The following CIAPIN1 variants were observed in gnomAD, a reference collection of about 807,000 sequenced individuals.
CIAPIN1 encodes cytokine induced apoptosis inhibitor 1.
In CIAPIN1, 18 loss-of-function variants were observed where a neutral mutation model predicts 34.3. The ratio of observed to expected loss-of-function variants is 0.52; its 90% CI spans 0.36 to 0.78. The LOEUF (loss-of-function observed/expected upper bound fraction) is 0.78. CIAPIN1 is among the 30% of genes least tolerant of loss of function. The pLI is 0.00. For missense variants in CIAPIN1, 310 were observed against 372.5 expected (o/e 0.83, Z 1.38); for synonymous variants, 131 against 140.4 (o/e 0.93, Z 0.47).
chr16:57,439,403 C>G, intron 2 of CIAPIN1, 69 bp from the exon 3 acceptor site: 1 of 1,554,480 alleles, frequency 6.4e-7, no homozygotes, highest in Non-Finnish European at 8.9e-7. Context: ...CTTCCAACCC[C>G]CAACAAAAGC....
intron 1 of CIAPIN1, among the ~76,000 whole-genome samples, chr16:57,446,377 G>T (rs894012505): frequency 6.6e-6 from 1 of 152,126 alleles, no homozygotes; most frequent in Non-Finnish European, 1.5e-5. Context: ...TGGCTTAGGA[G>T]GTCTTCCCCG....
intron 2 of CIAPIN1, 146 bp from the exon 3 acceptor site, chr16:57,439,480 G>A (rs1903279351): frequency 1.3e-6 from 1 of 757,038 alleles, no homozygotes; most frequent in South Asian, 1.9e-5. Flanking sequence ...TGAATAGTAA[G>A]TGTTTTAAAA....
chr16:57,438,777 G>A (rs140219244), intron 3 of CIAPIN1, among the ~76,000 whole-genome samples: 30 of 152,098 alleles, frequency 2.0e-4, no homozygotes, highest in African/African-American at 7.2e-4. Flanking sequence ...TTGTTATTTC[G>A]AGCATATGAA....
chr16:57,435,834 C>T (rs1903187452), intron 4 of CIAPIN1, among the ~76,000 whole-genome samples: 1 of 151,978 alleles, frequency 6.6e-6, no homozygotes, highest in Non-Finnish European at 1.5e-5. Context: ...ATTTAAGGCC[C>T]TACATTATGT....
chr16:57,429,306 A>G, intron 8 of CIAPIN1, 26 bp from the exon 9 acceptor site: 11 of 1,502,338 alleles, frequency 7.3e-6, no homozygotes, highest in Non-Finnish European at 1.0e-5. Flanking sequence ...GGGGAAGCCA[A>G]GGGTCAGCTT....
At chr16:57,433,397 T>C (rs1382316376) in intron 5 of CIAPIN1, among the ~76,000 whole-genome samples, 2 of 152,224 alleles carry the variant, frequency 1.3e-5, no homozygotes, top group Non-Finnish European at 2.9e-5. Flanking sequence ...TTCTTGAAGA[T>C]TTAGGTTAGA....
chr16:57,433,759 A>G (rs1903140552), intron 5 of CIAPIN1: 1 of 363,598 alleles, frequency 2.8e-6, no homozygotes, highest in African/African-American at 2.1e-5. Flanking sequence ...ACCTGGAAGG[A>G]CCTCATTAAT....
At chr16:57,444,039 C>T (rs1211976011) in intron 1 of CIAPIN1, among the ~76,000 whole-genome samples, 1 of 152,188 alleles carries the variant, frequency 6.6e-6, no homozygotes, top group Non-Finnish European at 1.5e-5. Flanking sequence ...TTGCACTGTA[C>T]TTACAGAAAA....
chr16:57,437,310 A>C (rs988076285), intron 3 of CIAPIN1, among the ~76,000 whole-genome samples: 5 of 152,122 alleles, frequency 3.3e-5, no homozygotes, highest in Admixed American at 6.5e-5. Flanking sequence ...CTTTATTATA[A>C]ACAGGCTTTG....
intron 1 of CIAPIN1, among the ~76,000 whole-genome samples, chr16:57,445,317 G>A (rs1471974692): frequency 6.6e-6 from 1 of 152,072 alleles, no homozygotes; most frequent in Non-Finnish European, 1.5e-5. Flanking sequence ...GACCAGCCTG[G>A]CCAACATGGA....
chr16:57,433,626 AAAGT>A (rs1317642253), intron 5 of CIAPIN1: 2 of 221,800 alleles, frequency 9.0e-6, no homozygotes, highest in Non-Finnish European at 1.8e-5. Context: ...TAGCATCCTC[AAAGT>A]AAGAACAGCT....
intron 4 of CIAPIN1, among the ~76,000 whole-genome samples, chr16:57,435,964 C>G (rs560574739): frequency 6.6e-6 from 1 of 152,316 alleles, no homozygotes; most frequent in Non-Finnish European, 1.5e-5. Context: ...AACATTTCCA[C>G]TGAATTGTCA....
chr16:57,435,309 C>T (rs1168182862), intron 4 of CIAPIN1, among the ~76,000 whole-genome samples: 6 of 152,128 alleles, frequency 3.9e-5, no homozygotes, highest in African/African-American at 1.4e-4. Context: ...AGTTGCAGGC[C>T]CGTGCTTCCT....
At chr16:57,434,287 G>A (rs1457977357) in intron 4 of CIAPIN1, 75 bp from the exon 5 acceptor site, 6 of 1,392,536 alleles carry the variant, frequency 4.3e-6, no homozygotes, top group African/African-American at 1.4e-5. Context: ...CTACACAGGA[G>A]TCAAAGACTC....
At chr16:57,435,063 C>T (rs1394133040) in intron 4 of CIAPIN1, among the ~76,000 whole-genome samples, 4 of 152,024 alleles carry the variant, frequency 2.6e-5, no homozygotes, top group Non-Finnish European at 5.9e-5. Context: ...AACTGTAATC[C>T]CCAATGTTGG....
intron 1 of CIAPIN1, chr16:57,441,458 T>C (rs1903330551): frequency 6.6e-6 from 1 of 152,582 alleles, no homozygotes; most frequent in Non-Finnish European, 1.5e-5. Context: ...CATCAAAATA[T>C]GAAAATTTAA....
Position 57,429,008 on chromosome 16 carries a change from C to G in CIAPIN1, c.*162G>C. ...TTTTGATACACAGCAGCACTACACA[C>G]CACTGTGCCCCCCAGCCAGCTTCAC... On this transcript the variant is annotated 3_prime_UTR_variant, in exon 9 of 9. Transcript: ENST00000394391. The G allele has an allele frequency of 1.6e-6, 1 of 616,222 alleles. No individual in the cohort carries two copies. Among genetic ancestry groups the G allele is most frequent in the Middle Eastern group, 4.4e-4 (1 of 2,292 alleles). 38.2% of individuals were successfully genotyped at this position (616,222 alleles called of 1,614,324 possible). A position where few individuals can be genotyped will look rare whatever the true frequency, so the allele number is the denominator to read the frequency against.
At position 57,439,059 on chromosome 16, in the gene CIAPIN1, A is replaced by G. The variant is rs925380308; in HGVS notation, c.310+123T>C. ...AGATTTTAACAATAATTTATCCCCA[A>G]GGAAAAGGTTTTGCTACAGGAATAC... is the stretch of plus-strand genomic sequence containing the variant. On this transcript the variant is annotated intron_variant, in intron 3 of 8. Transcript: ENST00000394391. 4 of 924,478 alleles carry G rather than the reference A, an allele frequency of 4.3e-6. No homozygotes were observed. In the African/African-American group the frequency reaches 4.9e-5, roughly 11 times the overall value. 57.3% of individuals were successfully genotyped at this position (924,478 alleles called of 1,614,324 possible).
chr16:57,429,729 T>C (rs1429355171), intron 8 of CIAPIN1, among the ~76,000 whole-genome samples: 1 of 151,614 alleles, frequency 6.6e-6, no homozygotes, highest in Non-Finnish European at 1.5e-5. Context: ...CCTGACCTCG[T>C]GATCCGCCCT....
Sources: allele counts gnomAD v4.1 joint callset (sites outside exome capture counted in the v4.1 genomes callset), GRCh38; gene constraint gnomAD v4.1.1; transcripts MANE v1.5; gene names NCBI Gene and HGNC (gene_info 2026-07-23, HGNC 2026-07-21).